Variants in DACH1 observed in about 807,000 individuals in gnomAD.
DACH1 encodes dachshund homolog 1.
Under a neutral mutation model 54.2 loss-of-function variants are expected in DACH1, and 12 were observed. The observed-to-expected ratio is 0.22, with a 90% CI of 0.14 to 0.36. DACH1 has a LOEUF of 0.36. Ranked by LOEUF, DACH1 falls within the 10% of genes least tolerant of loss-of-function variation. The pLI is 1.00. For missense variants in DACH1, 805 were observed against 929.8 expected (o/e 0.87, Z 1.75); for synonymous variants, 386 against 366.2 (o/e 1.05, Z -0.62).
intron 6 of DACH1, among the ~76,000 whole-genome samples, chr13:71,491,820 T>A (rs1879006528): frequency 6.6e-6 from 1 of 152,152 alleles, no homozygotes; most frequent in Admixed American, 6.6e-5. Flanking sequence ...TGGTTCCACC[T>A]TTTGAAATAA....
chr13:71,525,021 T>C (rs1413212564), intron 6 of DACH1, among the ~76,000 whole-genome samples: 1 of 152,170 alleles, frequency 6.6e-6, no homozygotes, highest in Non-Finnish European at 1.5e-5. Context: ...TTGTAGGATA[T>C]CATTAAATTT....
chr13:71,696,273 C>T (rs1881827442), intron 1 of DACH1, among the ~76,000 whole-genome samples: 3 of 152,114 alleles, frequency 2.0e-5, no homozygotes, highest in Non-Finnish European at 2.9e-5. Context: ...GTGTAATTAA[C>T]ATTATGCTGA....
At chr13:71,681,966 T>A (rs1880932552) in intron 1 of DACH1, 56 bp from the exon 2 acceptor site, 2 of 1,106,260 alleles carry the variant, frequency 1.8e-6, no homozygotes, top group Admixed American at 2.3e-5. Flanking sequence ...ACACATCATT[T>A]CAAAGTTGTT....
chr13:71,471,200 T>G (rs1002704512), intron 10 of DACH1, among the ~76,000 whole-genome samples: 2 of 146,998 alleles, frequency 1.4e-5, no homozygotes, highest in Non-Finnish European at 3.0e-5. Context: ...GATGAGGGAG[T>G]GAGGGAGGGA....
chr13:71,583,144 T>C (rs1872968393), intron 3 of DACH1, among the ~76,000 whole-genome samples: 1 of 152,180 alleles, frequency 6.6e-6, no homozygotes, highest in Non-Finnish European at 1.5e-5. Flanking sequence ...CTAATTTAAT[T>C]ATTGTAACCA....
intron 8 of DACH1, among the ~76,000 whole-genome samples, chr13:71,477,100 ATATATTTTTTTTTTTTTT>A (rs1877610961): frequency 1.8e-5 from 1 of 55,420 alleles, no homozygotes; most frequent in African/African-American, 5.9e-5. Flanking sequence ...ATATATATAT[ATATATTTTTTTTTTTTTT>A]TTTTTTTTTT....
intron 1 of DACH1, among the ~76,000 whole-genome samples, chr13:71,776,541 T>C (rs1886072371): frequency 6.6e-6 from 1 of 152,148 alleles, no homozygotes; most frequent in African/African-American, 2.4e-5. Context: ...GTTTCCATTT[T>C]GGGTGATGCT....
intron 8 of DACH1, among the ~76,000 whole-genome samples, chr13:71,476,533 T>C (rs1877535169): frequency 6.6e-6 from 1 of 152,266 alleles, no homozygotes; most frequent in East Asian, 1.9e-4. Flanking sequence ...AAGAAAATTA[T>C]TCTACTTTCA....
chr13:71,609,533 G>C (rs1488468567), intron 3 of DACH1, among the ~76,000 whole-genome samples: 5 of 146,626 alleles, frequency 3.4e-5, no homozygotes, highest in African/African-American at 1.4e-4. Flanking sequence ...AAAACCCTTA[G>C]AAGTTGACTT....
At chr13:71,571,070 C>T (rs2138410638) in intron 4 of DACH1, among the ~76,000 whole-genome samples, 1 of 152,188 alleles carries the variant, frequency 6.6e-6, no homozygotes, top group African/African-American at 2.4e-5. Context: ...CTTTAAACTG[C>T]TAAAAGCTGC....
intron 1 of DACH1, among the ~76,000 whole-genome samples, chr13:71,785,076 G>A (rs1886535522): frequency 6.6e-6 from 1 of 152,060 alleles, no homozygotes; most frequent in Non-Finnish European, 1.5e-5. Flanking sequence ...AATGCAATTT[G>A]TTTCTTATTT....
chr13:71,835,347 G>A (rs57604762), intron 1 of DACH1, among the ~76,000 whole-genome samples: 12,196 of 152,088 alleles, frequency 0.08, 1,509 homozygotes, highest in African/African-American at 0.26. Context: ...GTATGGAGAA[G>A]TCTGAATTAA....
At chr13:71,823,047 C>A in intron 1 of DACH1, among the ~76,000 whole-genome samples, 1 of 152,068 alleles carries the variant, frequency 6.6e-6, no homozygotes, top group Non-Finnish European at 1.5e-5. Flanking sequence ...AAAGCGGTGG[C>A]ATGCCCTGAC....
At chr13:71,743,136 G>A (rs965532248) in intron 1 of DACH1, among the ~76,000 whole-genome samples, 2 of 152,146 alleles carry the variant, frequency 1.3e-5, no homozygotes, top group South Asian at 4.1e-4. Flanking sequence ...AAGCAAGGCT[G>A]TATAATACAC....
intron 2 of DACH1, among the ~76,000 whole-genome samples, chr13:71,663,757 G>A (rs1879657492): frequency 6.6e-6 from 1 of 151,916 alleles, no homozygotes; most frequent in South Asian, 2.1e-4. Context: ...TAGAGATTCT[G>A]GAGACTCCAG....
chr13:71,641,190 C>T lies in DACH1; in HGVS notation c.965-10473G>A, dbSNP rs1877872051. On this transcript the variant is annotated intron_variant, in intron 2 of 10. Transcript: ENST00000613252. ...TCTGATACAGTAAATAAATGTTTTT[C>T]AAGGAAAAGACTCATGCAAGAAATT... 5.9e-5 allele frequency among the ~76,000 whole-genome samples: 9 copies of T among 151,920 alleles called. No homozygotes were observed. In the South Asian group the frequency reaches 1.9e-3, roughly 31 times the overall value.
At chr13:71,621,180 C>A (rs971019635) in intron 3 of DACH1, among the ~76,000 whole-genome samples, 5 of 151,986 alleles carry the variant, frequency 3.3e-5, no homozygotes, top group South Asian at 4.1e-4. Context: ...CTACAAATGA[C>A]CCCAAGGAAG....
chr13:71,567,384 A>C (rs1406160205), intron 4 of DACH1, among the ~76,000 whole-genome samples: 1 of 152,004 alleles, frequency 6.6e-6, no homozygotes, highest in Non-Finnish European at 1.5e-5. Flanking sequence ...ACAAACCCAA[A>C]AGTCCTGATT....
intron 1 of DACH1, among the ~76,000 whole-genome samples, chr13:71,788,528 ATATATT>A (rs1886699183): frequency 1.3e-5 from 2 of 152,180 alleles, no homozygotes; most frequent in East Asian, 1.9e-4. Context: ...ATGTGAAGAA[ATATATT>A]TGTCCTGTCT....
Sources: allele counts gnomAD v4.1 joint callset (sites outside exome capture counted in the v4.1 genomes callset), GRCh38; gene constraint gnomAD v4.1.1; transcripts MANE v1.5; gene names NCBI Gene and HGNC (gene_info 2026-07-23, HGNC 2026-07-21).